The following MAN2A1 variants were observed in gnomAD, a reference collection of about 807,000 sequenced individuals.
MAN2A1 encodes mannosidase alpha class 2A member 1.
In MAN2A1, 76 loss-of-function variants were observed where a neutral mutation model predicts 142.6. That is an observed-to-expected ratio of 0.53 (90% CI 0.44 to 0.65). MAN2A1 has a LOEUF of 0.65. Among genes scored for constraint, MAN2A1 ranks in the 30% least tolerant of loss-of-function variants. The pLI is 0.00. For missense variants in MAN2A1, 1,311 were observed against 1,365.1 expected (o/e 0.96, Z 0.62); for synonymous variants, 559 against 473.2 (o/e 1.18, Z -2.35).
intron 1 of MAN2A1, among the ~76,000 whole-genome samples, chr5:109,706,772 A>G (rs1478691745): frequency 6.6e-6 from 1 of 152,128 alleles, no homozygotes; most frequent in African/African-American, 2.4e-5. Flanking sequence ...CATAAATGAA[A>G]GGTGGTATAG....
intron 17 of MAN2A1, among the ~76,000 whole-genome samples, chr5:109,843,401 G>A (rs376307959): frequency 6.0e-4 from 92 of 152,208 alleles, no homozygotes; most frequent in African/African-American, 2.1e-3. Context: ...CTGCCCACCA[G>A]GTCTCTCTCT....
intron 12 of MAN2A1, 48 bp downstream of exon 12, chr5:109,789,575 G>A: frequency 1.5e-6 from 2 of 1,343,420 alleles, no homozygotes; most frequent in African/African-American, 3.0e-5. Flanking sequence ...TGGCTTAATA[G>A]TTTTTGGTTT....
intron 20 of MAN2A1, among the ~76,000 whole-genome samples, chr5:109,860,766 G>C (rs572018177): frequency 5.3e-5 from 8 of 152,202 alleles, no homozygotes; most frequent in African/African-American, 1.9e-4. Context: ...TATTTGAAGT[G>C]GGGTGAATGG....
intron 17 of MAN2A1, among the ~76,000 whole-genome samples, chr5:109,844,475 T>A (rs1299759353): frequency 6.6e-6 from 1 of 152,144 alleles, no homozygotes; most frequent in East Asian, 1.9e-4. Context: ...AAGGTAGCTT[T>A]ACTTTTTTTT....
intron 7 of MAN2A1, among the ~76,000 whole-genome samples, chr5:109,773,341 T>C (rs1753198263): frequency 6.6e-6 from 1 of 152,240 alleles, no homozygotes; most frequent in African/African-American, 2.4e-5. Flanking sequence ...TTTACACATA[T>C]GTATACAAGA....
chr5:109,769,083 A>G (rs1027154267), intron 6 of MAN2A1, among the ~76,000 whole-genome samples: 3 of 152,196 alleles, frequency 2.0e-5, no homozygotes, highest in African/African-American at 7.2e-5. Flanking sequence ...TTAGTGGGGT[A>G]TGGAGTATGT....
chr5:109,813,604 G>A (rs1316582178), intron 12 of MAN2A1, among the ~76,000 whole-genome samples: 1 of 152,206 alleles, frequency 6.6e-6, no homozygotes, highest in Non-Finnish European at 1.5e-5. Flanking sequence ...TGACCAAGGG[G>A]CATGTTCCTT....
chr5:109,784,744 G>A lies in MAN2A1; in HGVS notation c.1578G>A (p.Arg526=). The change falls in exon 10 of 22, where the codon AGG becomes AGA. Residue 526 remains arginine (R), a splice_region_variant and synonymous_variant. Coordinates refer to ENST00000261483, the MANE Select transcript of MAN2A1 (RefSeq NM_002372.4). The stretch of plus-strand genomic sequence containing the variant: ...AAAAATATGACTTTTATGCAATTAG[G>A]GCTGCTGAAATTCTTTACTATTTCG... ...RMDRIMESHL[R]AAEILYYFAL... 2 of 1,584,882 alleles carry A rather than the reference G, an allele frequency of 1.3e-6. No homozygotes were observed. Among genetic ancestry groups the A allele is most frequent in the Non-Finnish European group, 1.7e-6 (2 of 1,168,842 alleles).
At chr5:109,865,995 A>AT (rs1755869124) in intron 21 of MAN2A1, among the ~76,000 whole-genome samples, 1 of 152,152 alleles carries the variant, frequency 6.6e-6, no homozygotes, top group Admixed American at 6.5e-5. Flanking sequence ...GACTCAAGTG[A>AT]TTCAGTTCCA....
At chr5:109,761,539 G>A (rs1490584871) in intron 5 of MAN2A1, among the ~76,000 whole-genome samples, 1 of 151,840 alleles carries the variant, frequency 6.6e-6, no homozygotes, top group African/African-American at 2.4e-5. Context: ...TTGACTTCCT[G>A]GAATAAATCC....
intron 4 of MAN2A1, among the ~76,000 whole-genome samples, chr5:109,746,849 G>A (rs1357759865): frequency 3.3e-5 from 5 of 152,096 alleles, no homozygotes; most frequent in South Asian, 2.1e-4. Flanking sequence ...CCTTATGTAC[G>A]TAGAATCATA....
intron 8 of MAN2A1, among the ~76,000 whole-genome samples, chr5:109,778,601 G>A (rs572187237): frequency 1.3e-5 from 2 of 151,948 alleles, no homozygotes; most frequent in East Asian, 3.9e-4. Flanking sequence ...TTTGTGTTAG[G>A]CCTTTATGTC....
intron 12 of MAN2A1, among the ~76,000 whole-genome samples, chr5:109,809,139 C>T (rs544341418): frequency 1.5e-3 from 224 of 152,032 alleles, no homozygotes; most frequent in Non-Finnish European, 2.3e-3. Context: ...AATTATAATG[C>T]TGCCACCTAA....
chr5:109,836,702 G>A (rs1755066105), intron 16 of MAN2A1, among the ~76,000 whole-genome samples: 1 of 152,026 alleles, frequency 6.6e-6, no homozygotes, highest in South Asian at 2.1e-4. Context: ...TTCTAAAGAT[G>A]CTTAATATTA....
At chr5:109,790,605 T>C (rs1753713704) in intron 12 of MAN2A1, among the ~76,000 whole-genome samples, 1 of 152,024 alleles carries the variant, frequency 6.6e-6, no homozygotes, top group Non-Finnish European at 1.5e-5. Flanking sequence ...AATTACAAAA[T>C]GTTTTCTTTG....
chr5:109,785,077 T>C (rs1329454248), intron 10 of MAN2A1, 151 bp downstream of exon 10: 20 of 543,590 alleles, frequency 3.7e-5, no homozygotes, highest in Admixed American at 7.6e-5. Flanking sequence ...AGCACTGATA[T>C]TCAAATATTA....
Position 109,781,602 on chromosome 5 carries a change from C to T in MAN2A1, c.1577+4C>T. On this transcript the variant is annotated splice_donor_region_variant and intron_variant, in intron 9 of 21. Transcript: ENST00000261483. Reference sequence around the variant, plus strand: ...GAATCATGGAATCTCATTTAAGGTACTTTTACCTTTCTATAGCTACATGTA... The same window carrying T: ...GAATCATGGAATCTCATTTAAGGTATTTTTACCTTTCTATAGCTACATGTA... 1 of 1,569,372 alleles carries T rather than the reference C, an allele frequency of 6.4e-7. No individual in the cohort carries two copies.
rs201844079 is a variant in MAN2A1, at chr5:109,691,585, A to AT, written c.135+1041dup. Among the ~76,000 whole-genome samples the AT allele has an allele frequency of 2.6e-3, 398 of 152,106 alleles. 2 individuals are homozygous for AT. The highest frequency in any genetic ancestry group is 8.1e-3 in the African/African-American group (338 of 41,476). The stretch of plus-strand genomic sequence containing the variant: ...TAAATGACCAAAGAATATCCTTGCC[A>AT]TTTTTTTTGTGTTATGCTAGAGCAA... On this transcript the variant is annotated intron_variant, in intron 1 of 21. Transcript: ENST00000261483.
chr5:109,846,186 A>G (rs1580312641), intron 18 of MAN2A1, among the ~76,000 whole-genome samples, 180 bp downstream of exon 18: 1 of 152,238 alleles, frequency 6.6e-6, no homozygotes, highest in East Asian at 1.9e-4. Flanking sequence ...ACATAAAAAG[A>G]TGAATCTCCT....
Sources: gnomAD v4.1 joint callset for allele counts (sites outside exome capture counted in the v4.1 genomes callset) on GRCh38, gnomAD v4.1.1 for gene constraint, MANE v1.5 for transcripts, NCBI Gene and HGNC (gene_info 2026-07-23, HGNC 2026-07-21) for gene names.